Variants in DNAH5 observed in about 807,000 individuals in gnomAD.
The protein encoded by DNAH5 is axonemal beta dynein heavy chain 5.
DNAH5 carries 372 observed loss-of-function variants against 518.2 expected under a neutral mutation model. That is an observed-to-expected ratio of 0.72 (90% CI 0.66 to 0.78). The LOEUF is 0.78. Among genes scored for constraint, DNAH5 ranks in the 30% least tolerant of loss-of-function variants. DNAH5 has a pLI of 0.00. For missense variants in DNAH5, 5,523 were observed against 5,687.0 expected (o/e 0.97, Z 0.93); for synonymous variants, 2,039 against 2,025.9 (o/e 1.01, Z -0.17).
chr5:13,812,281 A>G lies in DNAH5; in HGVS notation c.7231-458T>C, dbSNP rs139944625. Among the ~76,000 whole-genome samples, 363 of 152,296 alleles carry G rather than the reference A, an allele frequency of 2.4e-3. 3 individuals carry two copies. Among genetic ancestry groups the G allele is most frequent in the African/African-American group, 8.4e-3 (351 of 41,562 alleles). On this transcript the variant is annotated intron_variant, in intron 43 of 78. Transcript: ENST00000265104. Reference sequence around the variant, plus strand: ...AGGGGGGAAAAGTAAAGAATAAAAGATGAACAAAGGAAATCCATACCCAGG... The same window carrying G: ...AGGGGGGAAAAGTAAAGAATAAAAGGTGAACAAAGGAAATCCATACCCAGG...
rs2151997008 is a variant in DNAH5, at chr5:13,923,274, C to T, written c.438+6G>A. ...TTCAGAGTAAACAATGGCTCTTGCC[C>T]CTTACCTGGTGGATGTTGTCAGGGG... On this transcript the variant is annotated splice_donor_region_variant and intron_variant, in intron 4 of 78. Transcript: ENST00000265104. 1 of 1,614,076 alleles carries T rather than the reference C, an allele frequency of 6.2e-7. No homozygotes were observed. Among genetic ancestry groups the T allele is most frequent in the Middle Eastern group, 1.7e-4 (1 of 6,060 alleles).
At chr5:13,921,475 T>TCACACACACACACACA (rs138046391) in intron 5 of DNAH5, among the ~76,000 whole-genome samples, 2 of 73,698 alleles carry the variant, frequency 2.7e-5, no homozygotes, top group South Asian at 4.1e-4. Context: ...TATCTCTCTC[T>TCACACACACACACACA]CACACACACA....
intron 59 of DNAH5, among the ~76,000 whole-genome samples, chr5:13,765,626 T>C (rs1301103130): frequency 6.6e-6 from 1 of 152,152 alleles, no homozygotes; most frequent in Non-Finnish European, 1.5e-5. Context: ...AAGTTCTATC[T>C]CATAAAATTA....
intron 74 of DNAH5, 117 bp from the exon 75 acceptor site, chr5:13,714,737 G>C (rs1744061913): frequency 1.0e-6 from 1 of 953,010 alleles, no homozygotes; most frequent in South Asian, 1.4e-5. Flanking sequence ...AAGTCTTATT[G>C]GTGTCAAGCT....
At chr5:13,747,511 T>A (rs1749561628) in intron 65 of DNAH5, among the ~76,000 whole-genome samples, 1 of 152,226 alleles carries the variant, frequency 6.6e-6, no homozygotes, top group South Asian at 2.1e-4. Flanking sequence ...ACCAACAGTG[T>A]AAAAGTATTC....
chr5:13,704,993 A>ATTT (rs111906324), intron 76 of DNAH5, among the ~76,000 whole-genome samples: 2 of 146,574 alleles, frequency 1.4e-5, no homozygotes, highest in Non-Finnish European at 1.5e-5. Context: ...CCAATAGACA[A>ATTT]TTTTTTTTTT....
At chr5:13,927,858 G>A (rs1778041754) in intron 3 of DNAH5, among the ~76,000 whole-genome samples, 1 of 152,162 alleles carries the variant, frequency 6.6e-6, no homozygotes, top group African/African-American at 2.4e-5. Flanking sequence ...AATAAAGTTA[G>A]AACAACCAGG....
rs924543021 is a variant in DNAH5, at chr5:13,944,529, A to C, written c.-91T>G. On this transcript the variant is annotated 5_prime_UTR_variant, in exon 1 of 79. Coordinates refer to ENST00000265104, the MANE Select transcript of DNAH5 (RefSeq NM_001369.3). The stretch of plus-strand genomic sequence containing the variant: ...TGCTCAACATCCAACAGGCTTCCAA[A>C]TGGAAAGTTTTACTTCCATTTTACT... 10 of 1,122,262 alleles carry C rather than the reference A, an allele frequency of 8.9e-6. No individual in the cohort carries two copies. Among genetic ancestry groups the C allele is most frequent in the Non-Finnish European group, 1.3e-5 (10 of 750,556 alleles). 69.5% of individuals were successfully genotyped at this position (1,122,262 alleles called of 1,614,324 possible).
intron 1 of DNAH5, among the ~76,000 whole-genome samples, chr5:13,986,975 A>C (rs1160910010): frequency 6.6e-6 from 1 of 152,196 alleles, no homozygotes; most frequent in Admixed American, 6.5e-5. Flanking sequence ...CGTAACTAAT[A>C]GTGCAGAGGA....
chr5:13,883,177 C>A, intron 19 of DNAH5, 83 bp from the exon 20 acceptor site: 1 of 1,372,630 alleles, frequency 7.3e-7, no homozygotes, highest in South Asian at 1.2e-5. Context: ...AAAATTAAAA[C>A]AATACATAAT....
intron 61 of DNAH5, among the ~76,000 whole-genome samples, chr5:13,756,340 A>T (rs1580082438): frequency 6.6e-6 from 1 of 151,706 alleles, no homozygotes; most frequent in Non-Finnish European, 1.5e-5. Context: ...GTATGCCCAG[A>T]TTTTTTTTTA....
chr5:13,943,184 T>C (rs939888341), intron 1 of DNAH5, among the ~76,000 whole-genome samples: 10 of 152,280 alleles, frequency 6.6e-5, no homozygotes, highest in African/African-American at 2.2e-4. Context: ...ACAGGAAAAA[T>C]GTTCAGACAT....
intron 78 of DNAH5, among the ~76,000 whole-genome samples, chr5:13,698,290 T>G (rs752462547): frequency 1.3e-5 from 2 of 152,242 alleles, no homozygotes; most frequent in African/African-American, 4.8e-5. Flanking sequence ...ACACCATGCA[T>G]GTGTTTTTTG....
rs2126901167 is a variant in DNAH5, at chr5:13,792,192, A to T, written c.8250T>A (p.Cys2750Ter). Residue 2750 changes from cysteine (C) to a stop codon, truncating the protein, a stop_gained, in exon 50 of 79, where the codon TGT (cysteine) becomes TGA (stop). Transcript: ENST00000265104. LOFTEE classifies it high-confidence loss of function. Reference sequence around the variant, plus strand: ...CTTCTTCTGAGAAACCCCTCTGAGTACAGTAGTGGCCTACCCCAATCACAC... The same window carrying T: ...CTTCTTCTGAGAAACCCCTCTGAGTTCAGTAGTGGCCTACCCCAATCACAC... ...IFGVIGVGHYCTQRGFSEEVR... is the reference protein window; with the variant it reads ...IFGVIGVGHY The T allele has an allele frequency of 7.4e-6, 12 of 1,614,040 alleles. No homozygotes were observed. Among genetic ancestry groups the T allele is most frequent in the Non-Finnish European group, 1.0e-5 (12 of 1,179,934 alleles).
chr5:13,962,460 C>CA (rs1056945410), intron 1 of DNAH5, among the ~76,000 whole-genome samples: 7 of 151,080 alleles, frequency 4.6e-5, no homozygotes, highest in African/African-American at 1.2e-4. Flanking sequence ...TGCCAGGAAC[C>CA]AAAAAAAACA....
chr5:13,866,100 T>C, intron 26 of DNAH5, 120 bp downstream of exon 26: 1 of 969,764 alleles, frequency 1.0e-6, no homozygotes, highest in Non-Finnish European at 1.6e-6. Flanking sequence ...GTATTTTTAA[T>C]GCAAGTACAT....
intron 1 of DNAH5, among the ~76,000 whole-genome samples, chr5:13,964,733 G>A (rs114290019): frequency 0.018 from 2,666 of 152,306 alleles, 77 homozygotes; most frequent in African/African-American, 0.061. Context: ...AGCAGAAGTT[G>A]GGGATACAAA....
At chr5:13,858,607 A>G (rs1767958920) in intron 30 of DNAH5, among the ~76,000 whole-genome samples, 1 of 152,220 alleles carries the variant, frequency 6.6e-6, no homozygotes, top group Non-Finnish European at 1.5e-5. Context: ...AACCTTTAAG[A>G]AAAGAAGATG....
In DNAH5 at chr5:13,759,622, G is replaced by C. The variant is rs575251691; in HGVS notation, c.10282-639C>G. Among the ~76,000 whole-genome samples the C allele has an allele frequency of 1.7e-3, 258 of 152,256 alleles. 1 individual carries two copies. The highest frequency in any genetic ancestry group is 6.0e-3 in the African/African-American group (250 of 41,552). On this transcript the variant is annotated intron_variant, in intron 60 of 78. Transcript: ENST00000265104. ...TTCTTGCCTTCTGGAAAGCGTATTT[G>C]ATACCTTGAGCTGTGACTAATTAAA...
Sources: allele counts gnomAD v4.1 joint callset (sites outside exome capture counted in the v4.1 genomes callset), GRCh38; gene constraint gnomAD v4.1.1; transcripts MANE v1.5; gene names NCBI Gene and HGNC (gene_info 2026-07-23, HGNC 2026-07-21).